FAM227B: variants seen among roughly 807,000 people sequenced by gnomAD.
FAM227B encodes family with sequence similarity 227 member B, also known as protein FAM227B.
Under a neutral mutation model 73.8 loss-of-function variants are expected in FAM227B, and 88 were observed. That is an observed-to-expected ratio of 1.19 (90% confidence interval 1.00 to 1.42). FAM227B has a LOEUF of 1.42. FAM227B is among the 40% of genes most tolerant of loss of function. The probability of loss-of-function intolerance (pLI) is 0.00; values close to 1 mark genes in which losing one functional copy is unlikely to be tolerated. For missense variants in FAM227B, 632 were observed against 590.9 expected (o/e 1.07, Z -0.72); for synonymous variants, 210 against 190.5 (o/e 1.10, Z -0.84).
At chr15:49,388,119 TAGAA>T (rs1485998438) in intron 11 of FAM227B, among the ~76,000 whole-genome samples, 1 of 151,666 alleles carries the variant, frequency 6.6e-6, no homozygotes, top group East Asian at 1.9e-4. Context: ...TTCACAAAAT[TAGAA>T]AGAACAATCC....
At chr15:49,512,848 G>A (rs1372639202) in intron 10 of FAM227B, among the ~76,000 whole-genome samples, 1 of 152,110 alleles carries the variant, frequency 6.6e-6, no homozygotes, top group African/African-American at 2.4e-5. Context: ...GAGAACATGA[G>A]TTGCTTGGTT....
chr15:49,454,850 C>A (rs534776395), intron 11 of FAM227B, among the ~76,000 whole-genome samples: 3 of 152,236 alleles, frequency 2.0e-5, no homozygotes, highest in South Asian at 4.1e-4. Context: ...ACCTCGTGAT[C>A]CGCTCGCCTC....
chr15:49,366,717 C>G, intron 13 of FAM227B: 1 of 1,215,896 alleles, frequency 8.2e-7, no homozygotes, highest in Non-Finnish European at 1.2e-6. Context: ...GGTGGCGCGG[C>G]GCGGCTCACT....
rs1028608998 is a variant in FAM227B, at chr15:49,340,433, G to A, written c.1272-4937C>T. Among the ~76,000 whole-genome samples, 27 of 82,424 alleles carry A rather than the reference G, an allele frequency of 3.3e-4. No individual in the cohort carries two copies. The East Asian group carries it at 4.7e-3, about 14-fold the overall frequency. The allele number at this position is 82,424 out of a possible 152,430, so 54.1% of individuals were successfully genotyped here. ...CCCCCTCCCCCCCCCGCTTTGCCTC[G>A]CCCTCCTTGGGCTGCACCCACTGTC... On this transcript the variant is annotated intron_variant, in intron 13 of 15. Coordinates refer to ENST00000299338, the MANE Select transcript of FAM227B (RefSeq NM_152647.3).
At chr15:49,562,415 C>G (rs1052274507) in intron 9 of FAM227B, among the ~76,000 whole-genome samples, 1 of 151,884 alleles carries the variant, frequency 6.6e-6, no homozygotes, top group Admixed American at 6.6e-5. Flanking sequence ...ATAGTAAAAT[C>G]TACCAGTTGA....
At chr15:49,424,277 C>A (rs757633648) in intron 11 of FAM227B, 1 of 1,594,016 alleles carries the variant, frequency 6.3e-7, no homozygotes, top group Non-Finnish European at 8.6e-7. Flanking sequence ...TATTCATGAA[C>A]ACCCGGAGCA....
At chr15:49,404,833 G>A (rs1407639470) in intron 11 of FAM227B, among the ~76,000 whole-genome samples, 1 of 151,806 alleles carries the variant, frequency 6.6e-6, no homozygotes, top group Admixed American at 6.6e-5. Context: ...ATGGGCGCTT[G>A]TTTATGTGGT....
intron 11 of FAM227B, among the ~76,000 whole-genome samples, chr15:49,394,736 G>C (rs751803080): frequency 6.6e-6 from 1 of 152,168 alleles, no homozygotes; most frequent in African/African-American, 2.4e-5. Flanking sequence ...TTTAATTTAG[G>C]TAAGGAAGAA....
intron 13 of FAM227B, chr15:49,353,919 C>T (rs2042639141): frequency 6.6e-6 from 1 of 152,004 alleles, no homozygotes; most frequent in Non-Finnish European, 1.5e-5. Flanking sequence ...TTAGTAATAA[C>T]TTACAAGTTG....
chr15:49,396,636 C>A (rs112023516), intron 11 of FAM227B, among the ~76,000 whole-genome samples: 2 of 151,756 alleles, frequency 1.3e-5, no homozygotes, highest in East Asian at 1.9e-4. Flanking sequence ...CTCCCAGCAC[C>A]CAGCTGGAGA....
chr15:49,471,384 GA>G (rs1303653283), intron 11 of FAM227B, among the ~76,000 whole-genome samples: 4 of 151,780 alleles, frequency 2.6e-5, no homozygotes, highest in East Asian at 3.9e-4. Context: ...TCAGGAGGCT[GA>G]AGGAGGAGAA....
chr15:49,525,154 C>T (rs2060068381), intron 10 of FAM227B, among the ~76,000 whole-genome samples: 1 of 151,950 alleles, frequency 6.6e-6, no homozygotes, highest in South Asian at 2.1e-4. Context: ...TTGGCTGTGT[C>T]CCCACCCAAA....
intron 11 of FAM227B, among the ~76,000 whole-genome samples, chr15:49,479,482 A>G (rs1453187933): frequency 1.3e-5 from 2 of 152,120 alleles, no homozygotes; most frequent in African/African-American, 2.4e-5. Context: ...ACCAAGTATA[A>G]TTAACTTATA....
chr15:49,540,205 G>A (rs775818067), intron 10 of FAM227B, among the ~76,000 whole-genome samples: 29 of 152,188 alleles, frequency 1.9e-4, no homozygotes, highest in Non-Finnish European at 3.8e-4. Context: ...GAAAGCTGCA[G>A]GGAGTGTGTG....
chr15:49,361,853 A>G (rs1476949768), intron 13 of FAM227B, among the ~76,000 whole-genome samples: 1 of 152,144 alleles, frequency 6.6e-6, no homozygotes, highest in Admixed American at 6.5e-5. Context: ...ACTAATTTAC[A>G]TTCCCACCAG....
chr15:49,409,412 A>G (rs990141830), intron 11 of FAM227B, among the ~76,000 whole-genome samples: 3 of 152,004 alleles, frequency 2.0e-5, no homozygotes, highest in African/African-American at 7.2e-5. Context: ...TGTGAAAGTT[A>G]CTTAAATTCT....
chr15:49,464,319 A>G (rs773587443), intron 11 of FAM227B, among the ~76,000 whole-genome samples: 9 of 152,092 alleles, frequency 5.9e-5, no homozygotes, highest in Non-Finnish European at 8.8e-5. Flanking sequence ...CTTAAAAGAG[A>G]AACAGAAAAG....
At chr15:49,499,450 C>T (rs1024459853) in intron 11 of FAM227B, among the ~76,000 whole-genome samples, 2 of 152,090 alleles carry the variant, frequency 1.3e-5, no homozygotes, top group African/African-American at 4.8e-5. Flanking sequence ...AACTGACAAA[C>T]TCACTTTGTT....
At chr15:49,487,738 G>A (rs1189834227) in intron 11 of FAM227B, 2 of 151,788 alleles carry the variant, frequency 1.3e-5, no homozygotes, top group African/African-American at 2.4e-5. Flanking sequence ...CACCACAGAC[G>A]GAACATTTCT....
Sources: gnomAD v4.1 joint callset for allele counts (sites outside exome capture counted in the v4.1 genomes callset) on GRCh38, gnomAD v4.1.1 for gene constraint, MANE v1.5 for transcripts, NCBI Gene and HGNC (gene_info 2026-07-23, HGNC 2026-07-21) for gene names.